The following TGFA variants were observed in gnomAD, a reference collection of about 807,000 sequenced individuals.
TGFA encodes the protein protransforming growth factor alpha.
Under a neutral mutation model 21.7 loss-of-function variants are expected in TGFA, and 12 were observed. The observed-to-expected ratio is 0.55, with a 90% confidence interval of 0.35 to 0.90. The LOEUF (loss-of-function observed/expected upper bound fraction) is 0.90, where lower values mean the gene tolerates loss of function less well. Ranked by LOEUF, TGFA falls within the 40% of genes least tolerant of loss-of-function variation. TGFA has a pLI of 0.01. For synonymous variants in TGFA, 79 were observed against 88.1 expected (o/e 0.90, Z 0.58); for missense variants, 178 against 210.8 (o/e 0.84, Z 0.96).
chr2:70,482,125 T>C (rs1239211829), intron 2 of TGFA, among the ~76,000 whole-genome samples: 2 of 148,096 alleles, frequency 1.4e-5, no homozygotes, highest in African/African-American at 5.0e-5. Context: ...TTTTTTTTTT[T>C]AGTGCCTTTC....
chr2:70,482,351 G>A (rs922344206), intron 2 of TGFA, among the ~76,000 whole-genome samples: 5 of 152,142 alleles, frequency 3.3e-5, no homozygotes, highest in African/African-American at 1.2e-4. Context: ...AAGATGTAGG[G>A]CTAGGAAGAG....
intron 1 of TGFA, among the ~76,000 whole-genome samples, chr2:70,523,485 C>A (rs782516520): frequency 6.6e-6 from 1 of 152,146 alleles, no homozygotes; most frequent in African/African-American, 2.4e-5. Context: ...CTACCTAGTC[C>A]GGGTCTCTTA....
intron 1 of TGFA, among the ~76,000 whole-genome samples, chr2:70,516,619 A>G (rs1431372238): frequency 6.6e-6 from 1 of 152,156 alleles, no homozygotes; most frequent in East Asian, 1.9e-4. Flanking sequence ...ATTGATGCTA[A>G]TTTTGGAAGC....
chr2:70,466,278 G>A (rs557641567), intron 2 of TGFA, among the ~76,000 whole-genome samples: 1 of 152,232 alleles, frequency 6.6e-6, no homozygotes, highest in Admixed American at 6.5e-5. Context: ...GGAGGCCGAG[G>A]CAGACGGATC....
chr2:70,552,572 C>T (rs1441696932), intron 1 of TGFA, among the ~76,000 whole-genome samples: 1 of 152,194 alleles, frequency 6.6e-6, no homozygotes, highest in African/African-American at 2.4e-5. Flanking sequence ...CATCCGGTTC[C>T]AAGACTGCCT....
At chr2:70,519,009 A>G (rs1553501934) in intron 1 of TGFA, among the ~76,000 whole-genome samples, 1 of 152,202 alleles carries the variant, frequency 6.6e-6, no homozygotes, top group African/African-American at 2.4e-5. Context: ...GGGAGGATGA[A>G]GAGGCTGCAG....
intron 2 of TGFA, among the ~76,000 whole-genome samples, chr2:70,490,595 G>C (rs1284795260): frequency 6.6e-6 from 1 of 152,152 alleles, no homozygotes; most frequent in African/African-American, 2.4e-5. Context: ...GCTTAGAAAG[G>C]AGGTTTTGTT....
chr2:70,541,185 A>G (rs541304320), intron 1 of TGFA, among the ~76,000 whole-genome samples: 2 of 152,370 alleles, frequency 1.3e-5, no homozygotes, highest in South Asian at 4.1e-4. Flanking sequence ...TTGAATATTT[A>G]AAAGTTTAAA....
At chr2:70,468,205 C>T (rs1670629507) in intron 2 of TGFA, among the ~76,000 whole-genome samples, 1 of 152,188 alleles carries the variant, frequency 6.6e-6, no homozygotes, top group African/African-American at 2.4e-5. Flanking sequence ...AACTAAAAGT[C>T]CAAGTGTCCC....
At chr2:70,537,265 TCTC>T (rs1416326723) in intron 1 of TGFA, among the ~76,000 whole-genome samples, 1 of 152,130 alleles carries the variant, frequency 6.6e-6, no homozygotes, top group East Asian at 1.9e-4. Context: ...TCTCTCTCCT[TCTC>T]CTCAGGCCTC....
chr2:70,521,609 G>GTTTTTTTTTTTTTTTTTTT (rs797022948), intron 1 of TGFA, among the ~76,000 whole-genome samples: 12 of 78,894 alleles, frequency 1.5e-4, no homozygotes, highest in African/African-American at 4.5e-4. Flanking sequence ...TTTTGTTGTT[G>GTTTTTTTTTTTTTTTTTTT]TTTGTTTGTT....
intron 1 of TGFA, among the ~76,000 whole-genome samples, chr2:70,518,462 A>C (rs1553501891): frequency 6.6e-6 from 1 of 152,108 alleles, no homozygotes; most frequent in African/African-American, 2.4e-5. Context: ...ACTCAGGTAA[A>C]TGTTCCCAAC....
intron 2 of TGFA, among the ~76,000 whole-genome samples, chr2:70,469,993 G>A (rs1426828375): frequency 2.0e-5 from 3 of 152,120 alleles, no homozygotes; most frequent in Non-Finnish European, 4.4e-5. Context: ...TATAAAAATA[G>A]GTACCATAAA....
At chr2:70,515,427 T>A (rs1367846206) in intron 1 of TGFA, among the ~76,000 whole-genome samples, 3 of 151,556 alleles carry the variant, frequency 2.0e-5, no homozygotes, top group Admixed American at 6.6e-5. Flanking sequence ...AGGGACAGAG[T>A]GTGTAAGGGA....
rs538441372 is a variant in TGFA at position 70,552,811 on chromosome 2, ATTCAC to A, written c.40+912_40+916del. Among the ~76,000 whole-genome samples, 15 of 152,322 alleles carry A rather than the reference ATTCAC, an allele frequency of 9.8e-5. No individual in the cohort carries two copies. The South Asian group carries it at 3.1e-3, about 32-fold the overall frequency. On this transcript the variant is annotated intron_variant, in intron 1 of 5. Coordinates refer to ENST00000295400, the MANE Select transcript of TGFA (RefSeq NM_003236.4). ...AAACTCGGGGCATATCGAACGAACAATTCACTTCACGGAAGACTAGCAATAACCAG... is the reference window on the plus strand; with the variant it reads ...AAACTCGGGGCATATCGAACGAACAATTCACGGAAGACTAGCAATAACCAG...
intron 3 of TGFA, among the ~76,000 whole-genome samples, chr2:70,456,709 T>C (rs1458418459): frequency 1.3e-5 from 2 of 152,246 alleles, no homozygotes; most frequent in Non-Finnish European, 2.9e-5. Flanking sequence ...CTAATCATCC[T>C]TATCATCTGC....
chr2:70,553,541 C>T lies in TGFA; in HGVS notation c.40+187G>A, dbSNP rs538470335. The T allele has an allele frequency of 6.6e-6, 9 of 1,371,486 alleles. No homozygotes were observed. In the Admixed American group the frequency reaches 2.1e-4, roughly 31 times the overall value. The allele number at this position is 1,371,486 out of a possible 1,614,324, so 85.0% of individuals were successfully genotyped here. A position where few individuals can be genotyped will look rare whatever the true frequency, so the allele number is the denominator to read the frequency against. ...TTCCCGGGGAAGCCTCGGCGCTCGA[C>T]CGGACAGTCCCCTCTTTGTCATTCT... is the stretch of plus-strand genomic sequence containing the variant. On this transcript the variant is annotated intron_variant, in intron 1 of 5. Transcript: ENST00000295400.
intron 1 of TGFA, among the ~76,000 whole-genome samples, chr2:70,519,536 C>T (rs1217732585): frequency 6.6e-6 from 1 of 152,146 alleles, no homozygotes; most frequent in Non-Finnish European, 1.5e-5. Flanking sequence ...AAAGGGAAGG[C>T]CCTGCAGAGG....
At chr2:70,472,233 C>T (rs563662314) in intron 2 of TGFA, among the ~76,000 whole-genome samples, 118 of 152,328 alleles carry the variant, frequency 7.7e-4, no homozygotes, top group African/African-American at 2.8e-3. Flanking sequence ...CACTGGCCCC[C>T]AGGACTCTGG....
Sources: gnomAD v4.1 joint callset for allele counts (sites outside exome capture counted in the v4.1 genomes callset) on GRCh38, gnomAD v4.1.1 for gene constraint, MANE v1.5 for transcripts, NCBI Gene and HGNC (gene_info 2026-07-23, HGNC 2026-07-21) for gene names.